DPYSL2: variants seen among roughly 807,000 people sequenced by gnomAD.
DPYSL2 encodes dihydropyrimidinase-related protein 2.
In DPYSL2, 13 loss-of-function variants were observed where a neutral mutation model predicts 69.9. The observed-to-expected ratio is 0.19, with a 90% CI of 0.12 to 0.30. The LOEUF (loss-of-function observed/expected upper bound fraction) is 0.30. Ranked by LOEUF, DPYSL2 falls within the 10% of genes least tolerant of loss-of-function variation. The pLI, the probability that DPYSL2 is intolerant of heterozygous loss-of-function variation, is 1.00. For synonymous variants in DPYSL2, 326 were observed against 359.1 expected (o/e 0.91, Z 1.04); for missense variants, 587 against 918.9 (o/e 0.64, Z 4.67).
intron 3 of DPYSL2, among the ~76,000 whole-genome samples, chr8:26,615,254 C>T (rs1398595405): frequency 1.3e-5 from 2 of 152,176 alleles, no homozygotes; most frequent in Non-Finnish European, 2.9e-5. Context: ...TAGAGTCGTA[C>T]CAGACACATA....
At chr8:26,549,200 T>TTAATAA (rs57336957) in intron 1 of DPYSL2, among the ~76,000 whole-genome samples, 5,268 of 146,368 alleles carry the variant, frequency 0.036, 283 homozygotes, top group African/African-American at 0.12. Context: ...AAAAATTAAG[T>TTAATAA]TAATAATAAT....
chr8:26,526,977 G>A (rs569457636), intron 1 of DPYSL2, among the ~76,000 whole-genome samples: 1 of 152,372 alleles, frequency 6.6e-6, no homozygotes, highest in South Asian at 2.1e-4. Flanking sequence ...CAGGGCAGAT[G>A]AGACTGAGGC....
chr8:26,613,878 C>T (rs1338052298), intron 3 of DPYSL2, among the ~76,000 whole-genome samples: 4 of 152,120 alleles, frequency 2.6e-5, no homozygotes, highest in Non-Finnish European at 2.9e-5. Context: ...ATGCCTATAA[C>T]CCCAGCACTT....
rs35621323 is a variant in DPYSL2, at chr8:26,634,815, C to T, written c.1041C>T (p.Ile347=). 665 of 1,614,222 alleles carry T rather than the reference C, an allele frequency of 4.1e-4. 4 individuals carry two copies. In the African/African-American group the frequency reaches 7.3e-3, roughly 18 times the overall value. Residue 347 remains isoleucine, a synonymous_variant, in exon 8 of 14, where the codon ATC becomes ATT. Coordinates refer to ENST00000521913, the MANE Select transcript of DPYSL2 (RefSeq NM_001197293.3). ...AAGCCGTGAATCGTGCCATCACCAT[C>T]GCCAACCAGACCAACTGCCCGCTGT... ...EAEAVNRAIT[I]ANQTNCPLYI...
At chr8:26,592,537 G>A (rs931869729) in intron 3 of DPYSL2, among the ~76,000 whole-genome samples, 2 of 149,580 alleles carry the variant, frequency 1.3e-5, no homozygotes, top group African/African-American at 2.5e-5. Flanking sequence ...GTGCAATGGC[G>A]CAGTCTTGGC....
intron 1 of DPYSL2, among the ~76,000 whole-genome samples, chr8:26,539,153 A>G (rs1395979903): frequency 1.3e-5 from 2 of 152,230 alleles, no homozygotes; most frequent in African/African-American, 2.4e-5. Flanking sequence ...TATTTTAGGC[A>G]TTAGGACTTG....
At chr8:26,630,689 C>T (rs905321570) in intron 7 of DPYSL2, among the ~76,000 whole-genome samples, 8 of 152,144 alleles carry the variant, frequency 5.3e-5, no homozygotes, top group African/African-American at 1.7e-4. Context: ...GTGGTGGTAC[C>T]AGAGCTGTGC....
chr8:26,523,495 G>A (rs1416891984), intron 1 of DPYSL2, among the ~76,000 whole-genome samples: 2 of 151,936 alleles, frequency 1.3e-5, no homozygotes, highest in Non-Finnish European at 2.9e-5. Flanking sequence ...CCAGCCCCTG[G>A]CAATCACCTT....
chr8:26,618,180 G>C (rs1445074375), intron 3 of DPYSL2, among the ~76,000 whole-genome samples: 2 of 152,172 alleles, frequency 1.3e-5, no homozygotes, highest in Non-Finnish European at 2.9e-5. Flanking sequence ...CCACCACGCA[G>C]ACCATGAGGG....
At position 26,593,079 on chromosome 8, in the gene DPYSL2, A is replaced by G. The variant is rs190403880; in HGVS notation, c.628+9096A>G. On this transcript the variant is annotated intron_variant, in intron 3 of 13. Transcript: ENST00000521913. The surrounding 1 kb of genome is among the most constrained non-coding windows in gnomAD (Gnocchi z 5.7). The stretch of plus-strand genomic sequence containing the variant: ...GATAAAGGGGAGTGACAGTGAGTAG[A>G]AATTAGAGTTCTTTCTGGTTAACCC... 8.5e-5 allele frequency among the ~76,000 whole-genome samples: 13 copies of G among 152,140 alleles called. No individual in the cohort carries two copies. The highest frequency in any genetic ancestry group is 2.7e-4 in the African/African-American group (11 of 41,428).
rs1366525146 is a variant in DPYSL2 at position 26,605,097 on chromosome 8, A to G, written c.629-19046A>G. On this transcript the variant is annotated intron_variant, in intron 3 of 13. Transcript: ENST00000521913. The surrounding 1 kb of genome is among the most constrained non-coding windows in gnomAD (Gnocchi z 4.1). ...GGAAATCAGTCACCCAGTCACCTGA[A>G]CTTCCATTTAACATCAGGTCCCTGG... 6.6e-6 allele frequency among the ~76,000 whole-genome samples: 1 copy of G among 152,086 alleles called. No individual in the cohort carries two copies. The highest frequency in any genetic ancestry group is 1.5e-5 in the Non-Finnish European group (1 of 68,018).
intron 1 of DPYSL2, among the ~76,000 whole-genome samples, chr8:26,567,573 G>A (rs1801172737): frequency 6.6e-6 from 1 of 152,262 alleles, no homozygotes; most frequent in African/African-American, 2.4e-5. Flanking sequence ...CCAGGAGACT[G>A]TTTTGGCACT....
intron 1 of DPYSL2, among the ~76,000 whole-genome samples, chr8:26,576,718 G>A (rs1302678109): frequency 6.6e-6 from 1 of 152,246 alleles, no homozygotes; most frequent in South Asian, 2.1e-4. Context: ...CGATTCAGTA[G>A]GTTTTCCCCA....
intron 3 of DPYSL2, among the ~76,000 whole-genome samples, chr8:26,603,010 GT>G (rs1383853315): frequency 2.6e-5 from 4 of 152,200 alleles, no homozygotes; most frequent in Non-Finnish European, 5.9e-5. Flanking sequence ...AGAGAGAGAT[GT>G]GTGCAGAAGA....
intron 1 of DPYSL2, among the ~76,000 whole-genome samples, chr8:26,576,357 T>C (rs976854804): frequency 1.3e-5 from 2 of 152,140 alleles, no homozygotes; most frequent in Non-Finnish European, 2.9e-5. Context: ...GCCAATTACA[T>C]ACTCTTTCTT....
At chr8:26,611,158 C>G (rs1398331703) in intron 3 of DPYSL2, among the ~76,000 whole-genome samples, 1 of 152,210 alleles carries the variant, frequency 6.6e-6, no homozygotes, top group African/African-American at 2.4e-5. Context: ...GACAGGTGAG[C>G]TCTGGAGCCA....
chr8:26,563,907 G>A (rs1306431783), intron 1 of DPYSL2, among the ~76,000 whole-genome samples: 1 of 152,134 alleles, frequency 6.6e-6, no homozygotes, highest in Non-Finnish European at 1.5e-5. Context: ...TAAAGCTTTG[G>A]AAGTTAGAAA....
At chr8:26,577,964 AC>A in intron 1 of DPYSL2, 1 of 1,277,162 alleles carries the variant, frequency 7.8e-7, no homozygotes, top group East Asian at 3.9e-5. Flanking sequence ...GTTTATTTCC[AC>A]CCCCTTCCCT....
At chr8:26,576,994 A>T (rs1050101241) in intron 1 of DPYSL2, 1 of 309,572 alleles carries the variant, frequency 3.2e-6, no homozygotes, top group African/African-American at 2.3e-5. Context: ...ATCGCGCCAC[A>T]TCGGCCTCGG....
Sources: allele counts gnomAD v4.1 joint callset (sites outside exome capture counted in the v4.1 genomes callset), GRCh38; gene constraint gnomAD v4.1.1; non-coding constraint Gnocchi (gnomAD v3.1); transcripts MANE v1.5; gene names NCBI Gene and HGNC (gene_info 2026-07-23, HGNC 2026-07-21).